The following BMP6 variants were observed in gnomAD, a reference collection of about 807,000 sequenced individuals.
The protein encoded by BMP6 is VG-1-R.
BMP6 carries 17 observed loss-of-function variants against 54.1 expected under a neutral mutation model. The ratio of observed to expected loss-of-function variants is 0.31; its 90% CI spans 0.22 to 0.47. The LOEUF is 0.47. Ranked by LOEUF, BMP6 falls within the 20% of genes least tolerant of loss-of-function variation. BMP6 has a pLI of 1.00. For synonymous variants in BMP6, 328 were observed against 291.2 expected (o/e 1.13, Z -1.28); for missense variants, 720 against 690.4 (o/e 1.04, Z -0.48).
At chr6:7,741,329 T>C (rs1378508002) in intron 1 of BMP6, among the ~76,000 whole-genome samples, 2 of 152,152 alleles carry the variant, frequency 1.3e-5, no homozygotes, top group Non-Finnish European at 2.9e-5. Flanking sequence ...ACAGGGCCTC[T>C]CTGTCACCCA....
intron 1 of BMP6, among the ~76,000 whole-genome samples, chr6:7,784,040 C>T (rs1013841767): frequency 5.3e-5 from 8 of 152,136 alleles, no homozygotes; most frequent in South Asian, 4.1e-4. Context: ...TTTCTATTTT[C>T]GTTAATCTTT....
intron 4 of BMP6, among the ~76,000 whole-genome samples, chr6:7,871,325 C>T (rs1347355660): frequency 1.3e-5 from 2 of 152,206 alleles, no homozygotes; most frequent in Admixed American, 6.5e-5. Context: ...GACTGAAAGC[C>T]GCGCTGCTAA....
chr6:7,822,869 C>T lies in BMP6; in HGVS notation c.665-22271C>T, dbSNP rs187940132. On this transcript the variant is annotated intron_variant, in intron 1 of 6. Coordinates refer to ENST00000283147, the MANE Select transcript of BMP6 (RefSeq NM_001718.6). ...ACCTTGTGGAAACCTCAGCAGGACC[C>T]CCCATGCTACAGTAGGATTGGTGCT... Among the ~76,000 whole-genome samples, 14 of 148,786 alleles carry T rather than the reference C, an allele frequency of 9.4e-5. No homozygotes were observed. In the East Asian group the frequency reaches 1.2e-3, roughly 12 times the overall value.
chr6:7,781,891 G>T (rs978860512), intron 1 of BMP6, among the ~76,000 whole-genome samples: 5 of 151,430 alleles, frequency 3.3e-5, no homozygotes, highest in East Asian at 1.9e-4. Context: ...GCCATATTCA[G>T]GGTCTCCACC....
intron 4 of BMP6, among the ~76,000 whole-genome samples, chr6:7,869,368 C>T (rs1759483557): frequency 6.6e-6 from 1 of 152,234 alleles, no homozygotes; most frequent in Admixed American, 6.5e-5. Context: ...CGTGGCTCTT[C>T]AGGAGGGCCA....
intron 4 of BMP6, among the ~76,000 whole-genome samples, chr6:7,878,354 A>C (rs1759654963): frequency 6.6e-6 from 1 of 152,176 alleles, no homozygotes; most frequent in Non-Finnish European, 1.5e-5. Context: ...GCCTCAGTGA[A>C]TTGGGGCACC....
chr6:7,814,318 A>G (rs1217922662), intron 1 of BMP6, among the ~76,000 whole-genome samples: 1 of 152,106 alleles, frequency 6.6e-6, no homozygotes, highest in Non-Finnish European at 1.5e-5. Context: ...TCATGTTTAT[A>G]CTCCTGGGAA....
intron 1 of BMP6, among the ~76,000 whole-genome samples, chr6:7,778,117 C>T (rs1415181248): frequency 1.3e-5 from 2 of 152,054 alleles, no homozygotes; most frequent in Admixed American, 6.5e-5. Context: ...TGACTGTCGG[C>T]GACCATCAGA....
intron 1 of BMP6, among the ~76,000 whole-genome samples, chr6:7,794,598 C>T (rs1758164692): frequency 1.2e-5 from 1 of 82,946 alleles, no homozygotes; most frequent in African/African-American, 4.5e-5. Context: ...AAACCCTGTC[C>T]CAAAAGAAAA....
intron 1 of BMP6, among the ~76,000 whole-genome samples, chr6:7,831,346 C>T (rs1262052471): frequency 1.1e-4 from 17 of 151,918 alleles, no homozygotes; most frequent in Admixed American, 9.8e-4. Flanking sequence ...TGTGTAGAGG[C>T]GATGAAAATG....
chr6:7,789,471 A>G (rs185498901), intron 1 of BMP6, among the ~76,000 whole-genome samples: 9 of 152,350 alleles, frequency 5.9e-5, no homozygotes, highest in Admixed American at 5.2e-4. Context: ...TAGAATTATA[A>G]AAGGTATAAC....
chr6:7,813,668 AACCCACC>A (rs1758477230), intron 1 of BMP6, among the ~76,000 whole-genome samples: 2 of 54,948 alleles, frequency 3.6e-5, no homozygotes, highest in Non-Finnish European at 3.8e-5. Flanking sequence ...AAAAAAAAAA[AACCCACC>A]AAACCCAGTA....
At chr6:7,729,399 C>T (rs1387876139) in intron 1 of BMP6, among the ~76,000 whole-genome samples, 1 of 149,438 alleles carries the variant, frequency 6.7e-6, no homozygotes, top group Non-Finnish European at 1.5e-5. Context: ...TAGTCCTAAC[C>T]TGGACAAAGG....
intron 1 of BMP6, among the ~76,000 whole-genome samples, chr6:7,758,736 C>T (rs763436539): frequency 1.6e-4 from 25 of 152,182 alleles, no homozygotes; most frequent in Non-Finnish European, 1.0e-4. Flanking sequence ...GGCTGTGCCT[C>T]GCAATTCTGG....
chr6:7,729,558 C>T (rs1309596831), intron 1 of BMP6, among the ~76,000 whole-genome samples: 1 of 152,174 alleles, frequency 6.6e-6, no homozygotes. Context: ...ATTAGGGCCG[C>T]TTCGTGGGCC....
In BMP6 at chr6:7,861,359, G is replaced by C; in HGVS notation, c.858-92G>C. 5 of 1,497,422 alleles carry C rather than the reference G, an allele frequency of 3.3e-6. No individual in the cohort carries two copies. In the South Asian group the frequency reaches 3.8e-5, roughly 11 times the overall value. The allele number at this position is 1,497,422 out of a possible 1,614,324, so 92.8% of individuals were successfully genotyped here. A position where few individuals can be genotyped will look rare whatever the true frequency, so the allele number is the denominator to read the frequency against. On this transcript the variant is annotated intron_variant, in intron 2 of 6. Transcript: ENST00000283147. Reference sequence around the variant, plus strand: ...CTCACAGGTAGATGTGATCTGACTCGGGCATGTTTTATCCTGACGCTGAGA... The same window carrying C: ...CTCACAGGTAGATGTGATCTGACTCCGGCATGTTTTATCCTGACGCTGAGA...
At chr6:7,774,766 C>A (rs865902646) in intron 1 of BMP6, among the ~76,000 whole-genome samples, 5 of 152,324 alleles carry the variant, frequency 3.3e-5, no homozygotes, top group African/African-American at 9.6e-5. Context: ...CTTATTGAAA[C>A]AAACATGGAT....
chr6:7,728,437 C>G (rs1408770699), intron 1 of BMP6, among the ~76,000 whole-genome samples: 5 of 152,194 alleles, frequency 3.3e-5, no homozygotes, highest in Admixed American at 2.0e-4. Context: ...AATGGAAATT[C>G]ACGGGCGGCT....
intron 1 of BMP6, among the ~76,000 whole-genome samples, chr6:7,834,648 C>A (rs1758845868): frequency 6.6e-6 from 1 of 151,554 alleles, no homozygotes; most frequent in Non-Finnish European, 1.5e-5. Context: ...CGAGACCAGC[C>A]TGGGCAAAAT....
Sources: gnomAD v4.1 joint callset for allele counts (sites outside exome capture counted in the v4.1 genomes callset) on GRCh38, gnomAD v4.1.1 for gene constraint, MANE v1.5 for transcripts, NCBI Gene and HGNC (gene_info 2026-07-23, HGNC 2026-07-21) for gene names.